The following MAPKAP1 variants were observed in gnomAD, a reference collection of about 807,000 sequenced individuals.
The protein encoded by MAPKAP1 is MAPK associated protein 1, also known as target of rapamycin complex 2 subunit MAPKAP1.
A neutral mutation model predicts 65.7 loss-of-function variants in MAPKAP1; 20 were observed. The observed-to-expected ratio is 0.30, with a 90% CI of 0.21 to 0.44. MAPKAP1 has a LOEUF of 0.44. Ranked by LOEUF, MAPKAP1 falls within the 20% of genes least tolerant of loss-of-function variation. MAPKAP1 has a pLI of 1.00. For synonymous variants in MAPKAP1, 222 were observed against 244.3 expected, an observed-to-expected ratio of 0.91 and a Z score of 0.85; for missense variants, 423 against 648.0, an observed-to-expected ratio of 0.65 and a Z score of 3.77.
intron 8 of MAPKAP1, among the ~76,000 whole-genome samples, chr9:125,504,385 T>C (rs969338870): frequency 6.6e-6 from 1 of 152,220 alleles, no homozygotes; most frequent in Admixed American, 6.5e-5. Flanking sequence ...ACCTTCTGCC[T>C]TTGAGAATTT....
At chr9:125,698,296 T>TATATATA (rs1835470894) in intron 1 of MAPKAP1, among the ~76,000 whole-genome samples, 2 of 10,064 alleles carry the variant, frequency 2.0e-4, no homozygotes, top group African/African-American at 8.6e-4. Flanking sequence ...TAAATATATA[T>TATATATA]ATATATATAT....
chr9:125,439,741 CTG>C lies in MAPKAP1; in HGVS notation c.1444-731_1444-730del, dbSNP rs141715637. On this transcript the variant is annotated intron_variant, in intron 11 of 11. Transcript: ENST00000265960. The surrounding 1 kb of genome is among the most constrained non-coding windows in gnomAD (Gnocchi z 4.0). ...CGGAGTCGCATGTGCATCTTCCACT[CTG>C]TGTAGCAGCTGCACCGCCAGGCGCT... Among the ~76,000 whole-genome samples the C allele has an allele frequency of 0.02, 3,049 of 152,342 alleles. 164 individuals carry two copies. The highest frequency in any genetic ancestry group is 0.14 in the East Asian group (721 of 5,172).
intron 4 of MAPKAP1, among the ~76,000 whole-genome samples, chr9:125,603,988 T>C (rs183169760): frequency 6.6e-6 from 1 of 152,356 alleles, no homozygotes; most frequent in East Asian, 1.9e-4. Context: ...AGAAATATAA[T>C]GCTGTTACCA....
intron 7 of MAPKAP1, among the ~76,000 whole-genome samples, chr9:125,522,956 G>T (rs1293117739): frequency 6.6e-6 from 1 of 151,958 alleles, no homozygotes; most frequent in Non-Finnish European, 1.5e-5. Flanking sequence ...CCTCCTTTTT[G>T]ATTATCCCCT....
At chr9:125,678,688 T>C (rs1214995608) in intron 1 of MAPKAP1, among the ~76,000 whole-genome samples, 1 of 152,246 alleles carries the variant, frequency 6.6e-6, no homozygotes, top group East Asian at 1.9e-4. Flanking sequence ...CCCATCTGTA[T>C]TCATTAATGA....
At chr9:125,606,671 A>G (rs944068394) in intron 4 of MAPKAP1, among the ~76,000 whole-genome samples, 4 of 152,220 alleles carry the variant, frequency 2.6e-5, no homozygotes, top group Non-Finnish European at 4.4e-5. Context: ...CATTCTCTAC[A>G]TGCCTTTCTG....
intron 6 of MAPKAP1, among the ~76,000 whole-genome samples, chr9:125,551,369 C>CTTTAAAA (rs1830579952): frequency 6.6e-6 from 1 of 152,154 alleles, no homozygotes; most frequent in South Asian, 2.1e-4. Flanking sequence ...GAACCTAGGG[C>CTTTAAAA]ACGCCTCTTT....
At chr9:125,618,861 G>A (rs927606682) in intron 4 of MAPKAP1, among the ~76,000 whole-genome samples, 7 of 152,184 alleles carry the variant, frequency 4.6e-5, no homozygotes, top group African/African-American at 7.2e-5. Flanking sequence ...GCTGGGCATG[G>A]TGGCTCATGC....
intron 3 of MAPKAP1, among the ~76,000 whole-genome samples, chr9:125,664,604 A>G (rs1187618614): frequency 6.6e-6 from 1 of 150,610 alleles, no homozygotes; most frequent in African/African-American, 2.4e-5. Flanking sequence ...AGATGCCTGT[A>G]ATCCCAGCTA....
At chr9:125,488,517 T>C (rs1854580145) in intron 8 of MAPKAP1, among the ~76,000 whole-genome samples, 1 of 152,170 alleles carries the variant, frequency 6.6e-6, no homozygotes, top group African/African-American at 2.4e-5. Flanking sequence ...GCTAATTTTT[T>C]GTATTTTTAG....
At chr9:125,440,122 G>A (rs886909282) in intron 11 of MAPKAP1, among the ~76,000 whole-genome samples, 11 of 152,192 alleles carry the variant, frequency 7.2e-5, no homozygotes, top group Non-Finnish European at 1.0e-4. Flanking sequence ...GGATGCACAC[G>A]CCCCAGTGCT....
At position 125,512,577 on chromosome 9, in the gene MAPKAP1, C is replaced by T. The variant is rs184809493; in HGVS notation, c.959-6160G>A. ...CGTAGTTTATTGGTTCGTATGTATA[C>T]ATATTTTTTTTTTGTTTCTTTTGAG... On this transcript the variant is annotated intron_variant, in intron 7 of 11. Coordinates refer to ENST00000265960, the MANE Select transcript of MAPKAP1 (RefSeq NM_001006617.3). Among the ~76,000 whole-genome samples, 15 of 151,904 alleles carry T rather than the reference C, an allele frequency of 9.9e-5. No individual in the cohort carries two copies. In the East Asian group the frequency reaches 2.9e-3, roughly 29 times the overall value.
At chr9:125,647,589 C>T (rs1833764999) in intron 4 of MAPKAP1, among the ~76,000 whole-genome samples, 2 of 152,174 alleles carry the variant, frequency 1.3e-5, no homozygotes, top group Admixed American at 6.5e-5. Flanking sequence ...TCAGGTGCAC[C>T]TAATGTCATG....
intron 5 of MAPKAP1, 146 bp from the exon 6 acceptor site, chr9:125,559,955 C>T: frequency 2.8e-6 from 2 of 724,116 alleles, no homozygotes; most frequent in South Asian, 4.3e-5. Flanking sequence ...CCAAATCCTA[C>T]TTCATTTGAT....
intron 1 of MAPKAP1, among the ~76,000 whole-genome samples, chr9:125,688,330 G>A (rs1243961230): frequency 2.0e-5 from 3 of 152,034 alleles, no homozygotes; most frequent in African/African-American, 7.2e-5. Flanking sequence ...TAGAGACCGG[G>A]TTTCACCATG....
At chr9:125,579,472 T>A (rs1248466921) in intron 5 of MAPKAP1, among the ~76,000 whole-genome samples, 1 of 152,186 alleles carries the variant, frequency 6.6e-6, no homozygotes, top group Non-Finnish European at 1.5e-5. Context: ...TTTGTATATT[T>A]TGTAGAGATG....
rs115942674 is a variant in MAPKAP1 at position 125,571,976 on chromosome 9, C to T, written c.672-12167G>A. 5.0e-3 allele frequency among the ~76,000 whole-genome samples: 754 copies of T among 152,280 alleles called. 5 individuals are homozygous for T. The highest frequency in any genetic ancestry group is 0.017 in the African/African-American group (713 of 41,556). On this transcript the variant is annotated intron_variant, in intron 5 of 11. Transcript: ENST00000265960. ...TTTACCAATTAAGTAAAGTATACTC[C>T]TGTAAACAAAATTTGGAGCATATTT...
chr9:125,672,865 G>A (rs1039946531), intron 1 of MAPKAP1, among the ~76,000 whole-genome samples: 17 of 152,174 alleles, frequency 1.1e-4, no homozygotes, highest in Admixed American at 2.0e-4. Context: ...AGAAAGGAAG[G>A]CTTGCACTCT....
chr9:125,566,652 T>C (rs369299449), intron 5 of MAPKAP1, among the ~76,000 whole-genome samples: 2 of 152,178 alleles, frequency 1.3e-5, no homozygotes, highest in African/African-American at 4.8e-5. Flanking sequence ...CCGCCTTCAT[T>C]ACACCCAAAA....
Sources: gnomAD v4.1 joint callset for allele counts (sites outside exome capture counted in the v4.1 genomes callset) on GRCh38, gnomAD v4.1.1 for gene constraint, Gnocchi (gnomAD v3.1) non-coding constraint, MANE v1.5 for transcripts, NCBI Gene and HGNC (gene_info 2026-07-23, HGNC 2026-07-21) for gene names.